CBY1: variants seen among roughly 807,000 people sequenced by gnomAD.
The protein encoded by CBY1 is protein chibby homolog 1.
A neutral mutation model predicts 15.6 loss-of-function variants in CBY1; 10 were observed. The ratio of observed to expected loss-of-function variants is 0.64; its 90% confidence interval spans 0.40 to 1.09. The LOEUF (loss-of-function observed/expected upper bound fraction) is 1.09, where lower values mean the gene tolerates loss of function less well. Ranked by LOEUF, CBY1 falls within the 50% of genes least tolerant of loss-of-function variation. The pLI is 0.01. For synonymous variants in CBY1, 61 were observed against 63.5 expected (o/e 0.96, Z 0.19); for missense variants, 150 against 160.5 (o/e 0.93, Z 0.35).
chr22:38,660,043 A>G (rs2092417719), intron 1 of CBY1, among the ~76,000 whole-genome samples: 1 of 152,102 alleles, frequency 6.6e-6, no homozygotes, highest in Admixed American at 6.6e-5. Context: ...GTACACATTG[A>G]CAATTTTGCC....
chr22:38,660,336 A>G (rs372941499), intron 1 of CBY1, among the ~76,000 whole-genome samples: 3 of 151,872 alleles, frequency 2.0e-5, no homozygotes, highest in African/African-American at 7.2e-5. Context: ...CTGGGATTAC[A>G]GGCTCATGCC....
chr22:38,673,176 T>G lies in CBY1; in HGVS notation c.321T>G (p.Ala107=). 3 of 1,610,894 alleles carry G rather than the reference T, an allele frequency of 1.9e-6. No individual in the cohort carries two copies. Among genetic ancestry groups the G allele is most frequent in the Non-Finnish European group, 2.5e-6 (3 of 1,177,322 alleles). ...ILLDMLSEST[A]ESHLMEKELD... ...ACTTTCAGCTTTCAGAGTCCACTGC[T>G]GAATCCCACTTAATGGAGAAGGAAC... Residue 107 remains alanine (A), a synonymous_variant, in exon 5 of 5, where the codon GCT becomes GCG. Coordinates refer to ENST00000216029, the MANE Select transcript of CBY1 (RefSeq NM_015373.4).
intron 1 of CBY1, chr22:38,666,550 C>G (rs945926495): frequency 2.0e-5 from 3 of 152,168 alleles, no homozygotes; most frequent in Non-Finnish European, 4.4e-5. Flanking sequence ...GACCTGCCCC[C>G]TTTTCAGGAC....
chr22:38,660,281 G>A lies in CBY1; in HGVS notation c.-39+3531G>A, dbSNP rs140306676. Among the ~76,000 whole-genome samples the A allele has an allele frequency of 5.6e-3, 845 of 151,446 alleles. 6 individuals carry two copies. The highest frequency in any genetic ancestry group is 0.019 in the African/African-American group (799 of 41,234). ...GTGATCTTGGCTCACTGCAACCTCTGCCTCCCAGGTTCAAGTGATTCTCCT... is the reference window on the plus strand; with the variant it reads ...GTGATCTTGGCTCACTGCAACCTCTACCTCCCAGGTTCAAGTGATTCTCCT... On this transcript the variant is annotated intron_variant, in intron 1 of 4. Coordinates refer to ENST00000216029, the MANE Select transcript of CBY1 (RefSeq NM_015373.4).
At chr22:38,658,376 G>A (rs2092410117) in intron 1 of CBY1, among the ~76,000 whole-genome samples, 2 of 152,030 alleles carry the variant, frequency 1.3e-5, no homozygotes, top group East Asian at 1.9e-4. Context: ...TGCCCAACTC[G>A]GCCTCCCAAA....
Position 38,673,331 on chromosome 22 carries a change from A to G in CBY1, c.*95A>G. 1.3e-6 allele frequency: 1 copy of G among 776,830 alleles called. No individual in the cohort carries two copies. Among genetic ancestry groups the G allele is most frequent in the Admixed American group, 2.1e-5 (1 of 47,540 alleles). The allele number at this position is 776,830 out of a possible 1,614,324, so 48.1% of individuals were successfully genotyped here. ...TCAGTCCTGGAAGAGAGTATCATAT[A>G]ATGAGACCCACAGGCACTGGCACCC... On this transcript the variant is annotated 3_prime_UTR_variant, in exon 5 of 5. Coordinates refer to ENST00000216029, the MANE Select transcript of CBY1 (RefSeq NM_015373.4).
At chr22:38,668,401 A>G (rs2281020) in intron 2 of CBY1, 94,099 of 313,200 alleles carry the variant, frequency 0.3, 14,337 homozygotes, top group East Asian at 0.36. Flanking sequence ...ATGGAGTCTC[A>G]CTCCCGTCCC....
rs774108743 is a variant in CBY1 at position 38,673,204 on chromosome 22, G to A, written c.349G>A (p.Asp117Asn). 6.2e-7 allele frequency: 1 copy of A among 1,612,898 alleles called. No individual in the cohort carries two copies. The highest frequency in any genetic ancestry group is 8.5e-7 in the Non-Finnish European group (1 of 1,178,924). ...ATCCCACTTAATGGAGAAGGAACTG[G>A]ATGAACTGAGGATCAGCCGGAAGAG... ...AESHLMEKEL[D>N]ELRISRKRK Residue 117 changes from aspartate to asparagine, a missense_variant, in exon 5 of 5, where the codon GAT (aspartate) becomes AAT (asparagine). Asp to Asn is a conservative substitution (Grantham distance 23). Transcript: ENST00000216029.
chr22:38,667,909 C>T (rs1475576056), intron 1 of CBY1, 108 bp from the exon 2 acceptor site: 1 of 629,480 alleles, frequency 1.6e-6, no homozygotes, highest in East Asian at 2.8e-5. Context: ...ACCATAGCAC[C>T]AGGATCGTTA....
At chr22:38,671,433 G>C in intron 4 of CBY1, 1 of 469,708 alleles carries the variant, frequency 2.1e-6, no homozygotes, top group Non-Finnish European at 3.8e-6. Flanking sequence ...CACAGCACAC[G>C]AGGGAGAAGT....
chr22:38,664,326 G>C (rs1375805639), intron 1 of CBY1, among the ~76,000 whole-genome samples: 2 of 151,752 alleles, frequency 1.3e-5, no homozygotes, highest in Non-Finnish European at 2.9e-5. Flanking sequence ...ACAAAAATTA[G>C]CTGGGCATGG....
At chr22:38,658,888 A>T (rs544329722) in intron 1 of CBY1, among the ~76,000 whole-genome samples, 26 of 152,338 alleles carry the variant, frequency 1.7e-4, no homozygotes, top group Admixed American at 1.4e-3. Flanking sequence ...GTTAGTTCAT[A>T]TACAGCTATC....
At chr22:38,670,205 A>G (rs8136368) in intron 2 of CBY1, 44,448 of 151,876 alleles carry the variant, frequency 0.29, 6,598 homozygotes, top group East Asian at 0.36. Context: ...ACTCCAGCCT[A>G]GGCGAAAGAG....
At chr22:38,657,943 A>G (rs1603110956) in intron 1 of CBY1, among the ~76,000 whole-genome samples, 1 of 152,182 alleles carries the variant, frequency 6.6e-6, no homozygotes, top group Admixed American at 6.6e-5. Flanking sequence ...TCATTGTAAT[A>G]ATTCATTAAA....
At chr22:38,660,135 C>T (rs1955537841) in intron 1 of CBY1, among the ~76,000 whole-genome samples, 1 of 152,068 alleles carries the variant, frequency 6.6e-6, no homozygotes, top group Middle Eastern at 3.2e-3. Flanking sequence ...ACATCCTCAT[C>T]AACCATGGGT....
At chr22:38,662,217 G>A (rs927853201) in intron 1 of CBY1, among the ~76,000 whole-genome samples, 54 of 151,596 alleles carry the variant, frequency 3.6e-4, no homozygotes, top group African/African-American at 1.3e-3. Flanking sequence ...TGGGAGAATC[G>A]CTTGAACCTG....
At chr22:38,664,292 C>T (rs186374407) in intron 1 of CBY1, among the ~76,000 whole-genome samples, 114 of 151,528 alleles carry the variant, frequency 7.5e-4, no homozygotes, top group African/African-American at 2.6e-3. Context: ...GCCAGCATAG[C>T]GAAACCCTGT....
intron 2 of CBY1, chr22:38,668,433 C>G: frequency 4.7e-6 from 1 of 214,648 alleles, no homozygotes; most frequent in Non-Finnish European, 9.4e-6. Context: ...TGCAGTGGCG[C>G]GATCTTGACT....
In CBY1 at chr22:38,671,078, G is replaced by A. The variant is rs182140010; in HGVS notation, c.193G>A (p.Val65Ile). The A allele has an allele frequency of 5.6e-6, 9 of 1,614,118 alleles. No individual in the cohort carries two copies. Among genetic ancestry groups the A allele is most frequent in the Middle Eastern group, 3.3e-4 (2 of 6,062 alleles). The change falls in exon 4 of 5, where the codon GTT becomes ATT. Residue 65 changes from valine (V) to isoleucine (I), a missense_variant. By Grantham distance (29) the Val-to-Ile change is conservative. Coordinates refer to ENST00000216029, the MANE Select transcript of CBY1 (RefSeq NM_015373.4). ...ENGQWIAETGVSGGVDRREVQ... is the reference protein window; with the variant it reads ...ENGQWIAETGISGGVDRREVQ... ...TTCTGTCCTTCCTCCAGAGACAGGG[G>A]TTAGTGGCGGTGTGGACCGGAGGGA...
Sources: allele counts gnomAD v4.1 joint callset (sites outside exome capture counted in the v4.1 genomes callset), GRCh38; gene constraint gnomAD v4.1.1; transcripts MANE v1.5; gene names NCBI Gene and HGNC (gene_info 2026-07-23, HGNC 2026-07-21).